MYO10: variants seen among roughly 807,000 people sequenced by gnomAD.
The protein encoded by MYO10 is unconventional myosin-X.
A neutral mutation model predicts 257.3 loss-of-function variants in MYO10; 133 were observed. The ratio of observed to expected loss-of-function variants is 0.52; its 90% CI spans 0.45 to 0.60. The LOEUF (loss-of-function observed/expected upper bound fraction) is 0.60. Ranked by LOEUF, MYO10 falls within the 20% of genes least tolerant of loss-of-function variation. The pLI is 0.00. For missense variants in MYO10, 2,399 were observed against 2,635.7 expected (o/e 0.91, Z 1.97); for synonymous variants, 1,104 against 1,028.6 (o/e 1.07, Z -1.40).
chr5:16,751,900 T>C (rs1381186849), intron 19 of MYO10, among the ~76,000 whole-genome samples: 4 of 152,302 alleles, frequency 2.6e-5, no homozygotes, highest in African/African-American at 9.6e-5. Context: ...CCAATACAAA[T>C]GCAAACGTGA....
chr5:16,724,110 G>A (rs1257288156), intron 19 of MYO10, among the ~76,000 whole-genome samples: 3 of 152,182 alleles, frequency 2.0e-5, no homozygotes, highest in Non-Finnish European at 2.9e-5. Flanking sequence ...AATGTAGATT[G>A]TCACAAGAGA....
chr5:16,904,073 G>A (rs566682878), intron 1 of MYO10, among the ~76,000 whole-genome samples: 4 of 151,792 alleles, frequency 2.6e-5, no homozygotes, highest in Admixed American at 2.0e-4. Flanking sequence ...GACCAAGGCA[G>A]GGAAAGGAAA....
intron 19 of MYO10, among the ~76,000 whole-genome samples, chr5:16,715,391 A>AAT (rs1194562685): frequency 0.012 from 750 of 63,110 alleles, 17 homozygotes; most frequent in African/African-American, 0.037. Context: ...GTAAGATTGA[A>AAT]ATTTTTTTTT....
At chr5:16,803,920 C>T (rs531922211) in intron 3 of MYO10, among the ~76,000 whole-genome samples, 1 of 152,324 alleles carries the variant, frequency 6.6e-6, no homozygotes, top group East Asian at 1.9e-4. Flanking sequence ...CATTCGCACA[C>T]CCACTCATTT....
intron 1 of MYO10, among the ~76,000 whole-genome samples, chr5:16,887,168 T>C (rs948257397): frequency 2.0e-5 from 3 of 152,088 alleles, no homozygotes; most frequent in African/African-American, 4.8e-5. Context: ...TCCTTCCCCT[T>C]ATCCTGCCCA....
At chr5:16,783,209 AG>A in intron 5 of MYO10, 125 bp downstream of exon 5, 1 of 980,916 alleles carries the variant, frequency 1.0e-6, no homozygotes, top group Middle Eastern at 2.7e-4. Context: ...CCTTTTCTTA[AG>A]GAATTGTAAA....
intron 3 of MYO10, among the ~76,000 whole-genome samples, chr5:16,796,525 C>A (rs1179441051): frequency 6.7e-6 from 1 of 150,292 alleles, no homozygotes; most frequent in Non-Finnish European, 1.5e-5. Context: ...ATAGAGGCTA[C>A]AGAGTTACCA....
At chr5:16,909,316 G>A (rs1465698453) in intron 1 of MYO10, among the ~76,000 whole-genome samples, 3 of 152,126 alleles carry the variant, frequency 2.0e-5, no homozygotes, top group African/African-American at 7.2e-5. Flanking sequence ...AGACCAGCCT[G>A]ACCACATGGT....
chr5:16,671,404 TC>T lies in MYO10; in HGVS notation c.5430+17del. On this transcript the variant is annotated intron_variant, in intron 38 of 40. Transcript: ENST00000513610. Reference sequence around the variant, plus strand: ...TTGCTTGCCGGCAAAGAAATCTGTTTCTAACTATTCCTTTTACCTGTTCAAA... The same window carrying T: ...TTGCTTGCCGGCAAAGAAATCTGTTTTAACTATTCCTTTTACCTGTTCAAA... The T allele has an allele frequency of 6.2e-7, 1 of 1,613,402 alleles. No homozygotes were observed. Among genetic ancestry groups the T allele is most frequent in the Non-Finnish European group, 8.5e-7 (1 of 1,179,594 alleles).
chr5:16,763,369 A>C lies in MYO10; in HGVS notation c.1494+112T>G, dbSNP rs573410218. ...TTTCCAAATGGTCCATTGTGTTCTA[A>C]ACATTCACATCGTTGATGTGCGTGT... On this transcript the variant is annotated intron_variant, in intron 14 of 40. Transcript: ENST00000513610. 38 of 838,548 alleles carry C rather than the reference A, an allele frequency of 4.5e-5. No individual in the cohort carries two copies. In the South Asian group the frequency reaches 5.4e-4, roughly 12 times the overall value. 51.9% of individuals were successfully genotyped at this position (838,548 alleles called of 1,614,324 possible).
rs1314670076 is a variant in MYO10, at chr5:16,761,511, GTTC to G, written c.1689_1691del (p.Lys563del). On this transcript the variant is annotated inframe_deletion, in exon 17 of 41. Transcript: ENST00000513610. ...GAAGGTCATCTCGAAATGTATCTCT[GTTC>G]TTCTCCAAGATACCTCGGACATCAT... 6.2e-7 allele frequency: 1 copy of G among 1,613,058 alleles called. No individual in the cohort carries two copies. Among genetic ancestry groups the G allele is most frequent in the Admixed American group, 1.7e-5 (1 of 59,952 alleles).
At chr5:16,870,864 C>G (rs2126755804) in intron 2 of MYO10, among the ~76,000 whole-genome samples, 1 of 152,244 alleles carries the variant, frequency 6.6e-6, no homozygotes, top group East Asian at 1.9e-4. Flanking sequence ...TGCACTCCAG[C>G]CTGGACAACA....
At chr5:16,741,804 C>A (rs1434605583) in intron 19 of MYO10, 4 of 985,290 alleles carry the variant, frequency 4.1e-6, no homozygotes, top group Non-Finnish European at 4.8e-6. Context: ...AAATCCCTAC[C>A]TTGGGTTTTC....
intron 8 of MYO10, 79 bp from the exon 9 acceptor site, chr5:16,779,727 GTA>G (rs1224123911): frequency 7.3e-5 from 57 of 776,940 alleles, no homozygotes; most frequent in East Asian, 1.6e-4. Context: ...ACTTTTTAAA[GTA>G]TATATATATA....
At chr5:16,746,393 A>G (rs1422969962) in intron 19 of MYO10, among the ~76,000 whole-genome samples, 1 of 152,216 alleles carries the variant, frequency 6.6e-6, no homozygotes, top group Non-Finnish European at 1.5e-5. Flanking sequence ...AATGCAGCCT[A>G]GTAGGTTTCA....
chr5:16,772,969 AT>A (rs1741099587), intron 9 of MYO10, among the ~76,000 whole-genome samples: 2 of 152,214 alleles, frequency 1.3e-5, no homozygotes, highest in Admixed American at 1.3e-4. Flanking sequence ...GGGGCAGAGG[AT>A]TCCCTTTTAT....
intron 2 of MYO10, among the ~76,000 whole-genome samples, chr5:16,861,675 G>T (rs936360411): frequency 1.3e-5 from 2 of 152,178 alleles, no homozygotes; most frequent in African/African-American, 4.8e-5. Flanking sequence ...AAATGTCATT[G>T]CAAGAAAGCG....
At chr5:16,909,510 A>G (rs1357854922) in intron 1 of MYO10, among the ~76,000 whole-genome samples, 1 of 151,820 alleles carries the variant, frequency 6.6e-6, no homozygotes, top group Non-Finnish European at 1.5e-5. Flanking sequence ...CAACTCAAAA[A>G]AAAAAAAAAA....
chr5:16,829,363 C>G (rs1182698872), intron 2 of MYO10, among the ~76,000 whole-genome samples: 1 of 152,160 alleles, frequency 6.6e-6, no homozygotes, highest in East Asian at 1.9e-4. Context: ...AGCACCGAGA[C>G]TTTCTAGAGA....
Sources: allele counts gnomAD v4.1 joint callset (sites outside exome capture counted in the v4.1 genomes callset), GRCh38; gene constraint gnomAD v4.1.1; transcripts MANE v1.5; gene names NCBI Gene and HGNC (gene_info 2026-07-23, HGNC 2026-07-21).